Variants in SMC5 observed in about 807,000 individuals in gnomAD.
SMC5 encodes structural maintenance of chromosomes 5.
Under a neutral mutation model 148.3 loss-of-function variants are expected in SMC5, and 88 were observed. The ratio of observed to expected loss-of-function variants is 0.59; its 90% CI spans 0.50 to 0.71. SMC5 has a LOEUF of 0.71. Among genes scored for constraint, SMC5 ranks in the 30% least tolerant of loss-of-function variants. SMC5 has a pLI of 0.00. For missense variants in SMC5, 1,142 were observed against 1,298.9 expected, an observed-to-expected ratio of 0.88 and a Z score of 1.86; for synonymous variants, 421 against 432.8, an observed-to-expected ratio of 0.97 and a Z score of 0.34.
chr9:70,322,474 G>A (rs1028278723), intron 15 of SMC5, among the ~76,000 whole-genome samples: 6 of 152,178 alleles, frequency 3.9e-5, no homozygotes, highest in Admixed American at 1.3e-4. Flanking sequence ...AGTCACTTCT[G>A]TATTTAATTC....
chr9:70,350,229 T>G lies in SMC5; in HGVS notation c.3005T>G (p.Leu1002Ter). The change falls in exon 23 of 25, where the codon TTA becomes TGA. Residue 1002 changes from leucine to a stop codon, truncating the protein, a stop_gained. Transcript: ENST00000361138. LOFTEE classifies it high-confidence loss of function. ...SGGERSVSTM[L>*]YLMALQELNR... is the part of the protein sequence containing the mutation. ...GGTGAAAGAAGTGTTTCTACCATGT[T>G]ATACTTGATGGCACTTCAGGAGCTA... 6.2e-7 allele frequency: 1 copy of G among 1,613,736 alleles called. No individual in the cohort carries two copies. Among genetic ancestry groups the G allele is most frequent in the Non-Finnish European group, 8.5e-7 (1 of 1,179,812 alleles).
chr9:70,350,638 A>G (rs1345682129), intron 24 of SMC5, among the ~76,000 whole-genome samples, 167 bp downstream of exon 24: 4 of 152,232 alleles, frequency 2.6e-5, no homozygotes, highest in Non-Finnish European at 5.9e-5. Flanking sequence ...TTCCAGTGTC[A>G]TGCTTAATCA....
intron 8 of SMC5, among the ~76,000 whole-genome samples, chr9:70,287,064 A>G (rs1317008813): frequency 6.6e-6 from 1 of 152,082 alleles, no homozygotes; most frequent in African/African-American, 2.4e-5. Flanking sequence ...CTGTTTTGAT[A>G]TAATCTTGGT....
chr9:70,306,136 C>T (rs767472945), intron 11 of SMC5, among the ~76,000 whole-genome samples: 2 of 151,968 alleles, frequency 1.3e-5, no homozygotes, highest in African/African-American at 2.4e-5. Context: ...TATATATATA[C>T]GGTTAGCTAT....
chr9:70,301,623 C>T lies in SMC5; in HGVS notation c.1464+1423C>T, dbSNP rs73647458. ...TCCAATCTAGAATTGGAGAAGTGTA[C>T]AAAGATTTACATATGAACTCCCCAC... On this transcript the variant is annotated intron_variant, in intron 10 of 24. Coordinates refer to ENST00000361138, the MANE Select transcript of SMC5 (RefSeq NM_015110.4). 3.0e-3 allele frequency among the ~76,000 whole-genome samples: 451 copies of T among 152,078 alleles called. 2 individuals carry two copies. Among genetic ancestry groups the T allele is most frequent in the African/African-American group, 0.01 (435 of 41,494 alleles).
intron 3 of SMC5, among the ~76,000 whole-genome samples, chr9:70,273,766 A>T (rs1310364272): frequency 6.6e-6 from 1 of 152,162 alleles, no homozygotes; most frequent in Non-Finnish European, 1.5e-5. Context: ...ATTGTAGTGC[A>T]GTTAAATATA....
chr9:70,294,772 T>C (rs1236029888), intron 8 of SMC5, among the ~76,000 whole-genome samples: 1 of 152,122 alleles, frequency 6.6e-6, no homozygotes, highest in Non-Finnish European at 1.5e-5. Context: ...AAGGAAAAGA[T>C]GATTGAAGTT....
intron 13 of SMC5, among the ~76,000 whole-genome samples, chr9:70,317,237 A>C (rs931942469): frequency 6.6e-6 from 1 of 152,128 alleles, no homozygotes; most frequent in Non-Finnish European, 1.5e-5. Context: ...CCTCAGAATA[A>C]AAGTATACTC....
Position 70,350,191 on chromosome 9 carries a change from T to A in SMC5, c.2967T>A (p.His989Gln). The A allele has an allele frequency of 6.2e-7, 1 of 1,613,508 alleles. No individual in the cohort carries two copies. The highest frequency in any genetic ancestry group is 2.2e-5 in the East Asian group (1 of 44,772). The change falls in exon 23 of 25, where the codon CAT (histidine) becomes CAA (glutamine). Residue 989 changes from histidine to glutamine, a missense_variant. This residue lies in a region of SMC5 where 743 missense variants were observed against 835.7 expected (regional missense o/e 0.89). Transcript: ENST00000361138. The stretch of plus-strand genomic sequence containing the variant: ...CTCAACTGCATGAATTAACTCCTCA[T>A]CATCAAAGTGGAGGTGAAAGAAGTG... The part of the protein sequence containing the change: ...SSTQLHELTP[H>Q]HQSGGERSVS...
intron 11 of SMC5, among the ~76,000 whole-genome samples, chr9:70,307,124 G>A (rs1450257656): frequency 6.6e-6 from 1 of 152,174 alleles, no homozygotes; most frequent in Non-Finnish European, 1.5e-5. Flanking sequence ...CAGGCATGGT[G>A]GTTCATGCCT....
chr9:70,302,690 A>C (rs776114563), intron 10 of SMC5, among the ~76,000 whole-genome samples: 21 of 152,000 alleles, frequency 1.4e-4, no homozygotes, highest in South Asian at 1.0e-3. Flanking sequence ...ATAAATAAAC[A>C]AACAAATAAA....
chr9:70,339,912 G>A (rs1564069766), intron 17 of SMC5, among the ~76,000 whole-genome samples: 1 of 152,156 alleles, frequency 6.6e-6, no homozygotes, highest in Non-Finnish European at 1.5e-5. Context: ...TTAGTAAGCT[G>A]TGTGTGAATC....
intron 11 of SMC5, among the ~76,000 whole-genome samples, chr9:70,314,281 C>A (rs2118563609): frequency 6.6e-6 from 1 of 152,278 alleles, no homozygotes; most frequent in South Asian, 2.1e-4. Context: ...AAGCCACAAG[C>A]CACATAAACA....
chr9:70,265,894 A>G (rs1480684426), intron 2 of SMC5, among the ~76,000 whole-genome samples: 1 of 152,242 alleles, frequency 6.6e-6, no homozygotes, highest in Non-Finnish European at 1.5e-5. Context: ...GCTAACAAGC[A>G]GTTAACATAT....
rs1019883411 is a variant in SMC5 at position 70,323,537 on chromosome 9, A to G, written c.2205A>G (p.Ala735=). The change falls in exon 16 of 25, where the codon GCA becomes GCG. Residue 735 remains alanine, a synonymous_variant. Transcript: ENST00000361138. ...TCNLEEEERK[A]STKIKEINVQ... ...ATCTTGAAGAGGAAGAGCGAAAAGC[A>G]AGTACCAAAATCAAAGAAATAAATG... The G allele has an allele frequency of 1.2e-6, 2 of 1,612,740 alleles. No homozygotes were observed. The highest frequency in any genetic ancestry group is 3.3e-5 in the Admixed American group (2 of 59,956).
chr9:70,259,235 A>G lies in SMC5; in HGVS notation c.157A>G (p.Ile53Val), dbSNP rs372744651. The G allele has an allele frequency of 4.0e-5, 64 of 1,597,494 alleles. No individual in the cohort carries two copies. Among genetic ancestry groups the G allele is most frequent in the African/African-American group, 6.7e-5 (5 of 74,606 alleles). The change falls in exon 1 of 25, where the codon ATC becomes GTC. Residue 53 changes from isoleucine to valine, a missense_variant. Physicochemically the swap from Ile to Val is conservative, Grantham distance 29. This residue lies in a region of SMC5 where 297 missense variants were observed against 302.6 expected (regional missense o/e 0.98). Coordinates refer to ENST00000361138, the MANE Select transcript of SMC5 (RefSeq NM_015110.4). Reference sequence around the variant, plus strand: ...GTCCGGGCCTTTCGTGGAAGGCTCTATCGTCCGCATCTCGATGGAGAACTT... The same window carrying G: ...GTCCGGGCCTTTCGTGGAAGGCTCTGTCGTCCGCATCTCGATGGAGAACTT... Reference protein sequence around the residue: ...QSSGPFVEGSIVRISMENFLT... With the variant: ...QSSGPFVEGSVVRISMENFLT...
At chr9:70,314,896 CATAA>C (rs1374276873) in intron 12 of SMC5, 60 bp downstream of exon 12, 3 of 1,048,282 alleles carry the variant, frequency 2.9e-6, no homozygotes, top group Non-Finnish European at 2.7e-6. Context: ...TTTATTGTTA[CATAA>C]ATAAGCTATT....
Position 70,286,196 on chromosome 9 carries a change from A to G in SMC5, c.982-4A>G, listed in dbSNP as rs1276319857. ...CCCCCCCTCTCCCCGGTTTAATTTT[A>G]CAGGCAACAGATATTAAGGAGGCAT... On this transcript the variant is annotated splice_region_variant and splice_polypyrimidine_tract_variant and intron_variant, in intron 7 of 24. Transcript: ENST00000361138. 1.9e-6 allele frequency: 2 copies of G among 1,063,730 alleles called. No homozygotes were observed. The highest frequency in any genetic ancestry group is 1.4e-5 in the South Asian group (1 of 69,102). 65.9% of individuals were successfully genotyped at this position (1,063,730 alleles called of 1,614,324 possible).
At chr9:70,317,069 C>G (rs769079435) in intron 13 of SMC5, among the ~76,000 whole-genome samples, 1 of 151,842 alleles carries the variant, frequency 6.6e-6, no homozygotes. Context: ...TACAAGAAAA[C>G]CCAAGTTAGA....
Sources: allele counts gnomAD v4.1 joint callset (sites outside exome capture counted in the v4.1 genomes callset), GRCh38; gene constraint gnomAD v4.1.1; regional missense constraint gnomAD v4.1.1; transcripts MANE v1.5; gene names NCBI Gene and HGNC (gene_info 2026-07-23, HGNC 2026-07-21).